OSTM1: variants seen among roughly 807,000 people sequenced by gnomAD.
The protein encoded by OSTM1 is osteoclastogenesis associated transmembrane protein 1.
In OSTM1, 26 loss-of-function variants were observed where a neutral mutation model predicts 35.4. That is an observed-to-expected ratio of 0.73 (90% confidence interval 0.54 to 1.02). The LOEUF is 1.02. Ranked by LOEUF, OSTM1 falls within the 50% of genes least tolerant of loss-of-function variation. The pLI, the probability that OSTM1 is intolerant of heterozygous loss-of-function variation, is 0.00. For synonymous variants in OSTM1, 181 were observed against 165.0 expected, an observed-to-expected ratio of 1.10 and a Z score of -0.75; for missense variants, 366 against 409.6, an observed-to-expected ratio of 0.89 and a Z score of 0.92.
intron 1 of OSTM1, among the ~76,000 whole-genome samples, chr6:108,066,905 C>CA (rs1434961265): frequency 1.3e-5 from 2 of 152,124 alleles, no homozygotes; most frequent in South Asian, 2.1e-4. Context: ...GCCAAGTGAC[C>CA]AAAAAATCAA....
chr6:108,064,082 AAAGT>A (rs1772336423), intron 2 of OSTM1, 99 bp downstream of exon 2: 2 of 713,438 alleles, frequency 2.8e-6, no homozygotes, highest in Non-Finnish European at 5.1e-6. Context: ...TTAGCAATAA[AAAGT>A]ATTATCCAGC....
In OSTM1 at chr6:108,043,046, G is replaced by T. The variant is rs1771899850; in HGVS notation, c.*1739C>A. On this transcript the variant is annotated 3_prime_UTR_variant, in exon 6 of 6. Transcript: ENST00000193322. ...GACTCAACCAGAAAAAATAGTAAAG[G>T]CTGCCTTTTCCTTTTTAAAGTGCTT... is the stretch of plus-strand genomic sequence containing the variant. The T allele has an allele frequency of 6.6e-6, 1 of 152,120 alleles. No homozygotes were observed. The highest frequency in any genetic ancestry group is 2.4e-5 in the African/African-American group (1 of 41,408). 9.4% of individuals were successfully genotyped at this position (152,120 alleles called of 1,614,324 possible). A position where few individuals can be genotyped will look rare whatever the true frequency, so the allele number is the denominator to read the frequency against.
At chr6:108,071,288 A>G (rs1324591195) in intron 1 of OSTM1, among the ~76,000 whole-genome samples, 1 of 151,438 alleles carries the variant, frequency 6.6e-6, no homozygotes, top group African/African-American at 2.4e-5. Context: ...ACATTTTTCC[A>G]TAGGTTTTTG....
chr6:108,051,242 A>G (rs1342921872), intron 3 of OSTM1, 44 bp from the exon 4 acceptor site: 2 of 1,359,852 alleles, frequency 1.5e-6, no homozygotes, highest in East Asian at 2.4e-5. Flanking sequence ...TAAACATTAT[A>G]TACAATATCT....
chr6:108,042,660 C>T lies in OSTM1; in HGVS notation c.*2125G>A, dbSNP rs1771893380. On this transcript the variant is annotated 3_prime_UTR_variant, in exon 6 of 6. Coordinates refer to ENST00000193322, the MANE Select transcript of OSTM1 (RefSeq NM_014028.4). ...CGAACTCATAAGCTCCAGCGATCTG[C>T]TTCAGCCTCCCAAAGTGCTGCAAAT... 1 of 152,128 alleles carries T rather than the reference C, an allele frequency of 6.6e-6. No individual in the cohort carries two copies. Among genetic ancestry groups the T allele is most frequent in the South Asian group, 2.1e-4 (1 of 4,832 alleles). The allele number at this position is 152,128 out of a possible 1,614,324, so 9.4% of individuals were successfully genotyped here.
rs1772065843 is a variant in OSTM1, at chr6:108,051,065, G to T, written c.749C>A (p.Pro250His). ...KMNELENKAE[P>H]GTHLCIDVED... is the part of the protein sequence containing the mutation. Reference sequence around the variant, plus strand: ...CACATCAATGCATAAATGTGTTCCAGGTTCAGCCTTATTCTCAAGTTCATT... The same window carrying T: ...CACATCAATGCATAAATGTGTTCCATGTTCAGCCTTATTCTCAAGTTCATT... The change falls in exon 4 of 6, where the codon CCT becomes CAT. Residue 250 changes from proline to histidine, a missense_variant. Pro to His is a moderately conservative substitution (Grantham distance 77, BLOSUM62 -2). This residue lies in a region of OSTM1 where 125 missense variants were observed against 151.7 expected (regional missense o/e 0.82). Transcript: ENST00000193322. 6.2e-7 allele frequency: 1 copy of T among 1,613,570 alleles called. No homozygotes were observed. The highest frequency in any genetic ancestry group is 1.7e-5 in the Admixed American group (1 of 60,000).
Position 108,044,703 on chromosome 6 carries a change from C to A in OSTM1, c.*82G>T. 2.5e-6 allele frequency: 2 copies of A among 784,950 alleles called. No individual in the cohort carries two copies. The highest frequency in any genetic ancestry group is 1.6e-5 in the South Asian group (1 of 61,162). 48.6% of individuals were successfully genotyped at this position (784,950 alleles called of 1,614,324 possible). On this transcript the variant is annotated 3_prime_UTR_variant, in exon 6 of 6. Transcript: ENST00000193322. The stretch of plus-strand genomic sequence containing the variant: ...TTCTTAAGAGCTTGACTTGTCAAAT[C>A]ACAGTTTATCTTCTTTCTGAAACCA...
chr6:108,072,066 C>T (rs1435796127), intron 1 of OSTM1, among the ~76,000 whole-genome samples: 6 of 152,146 alleles, frequency 3.9e-5, no homozygotes, highest in Admixed American at 2.0e-4. Flanking sequence ...ATGAGAAAAG[C>T]ATTTGCTGCC....
At chr6:108,068,522 C>A (rs1389707392) in intron 1 of OSTM1, among the ~76,000 whole-genome samples, 1 of 152,126 alleles carries the variant, frequency 6.6e-6, no homozygotes, top group East Asian at 1.9e-4. Flanking sequence ...CCCTGGAAAT[C>A]ATCACTACCT....
At position 108,074,728 on chromosome 6, in the gene OSTM1, C is replaced by T; in HGVS notation, c.-77G>A. 4 of 1,401,434 alleles carry T rather than the reference C, an allele frequency of 2.9e-6. No individual in the cohort carries two copies. Among genetic ancestry groups the T allele is most frequent in the Non-Finnish European group, 3.7e-6 (4 of 1,078,958 alleles). 86.8% of individuals were successfully genotyped at this position (1,401,434 alleles called of 1,614,324 possible). On this transcript the variant is annotated 5_prime_UTR_variant, in exon 1 of 6. Transcript: ENST00000193322. ...CGGCACCGCGGACAGCCGCCGCTTCCGGTTTCCGCGAGCGCAGGCCGAGAG... is the reference window on the plus strand; with the variant it reads ...CGGCACCGCGGACAGCCGCCGCTTCTGGTTTCCGCGAGCGCAGGCCGAGAG...
At chr6:108,069,831 G>A (rs770467462) in intron 1 of OSTM1, among the ~76,000 whole-genome samples, 13 of 152,230 alleles carry the variant, frequency 8.5e-5, no homozygotes, top group Non-Finnish European at 1.6e-4. Flanking sequence ...TCTTATCAGG[G>A]AATTCTATTA....
At chr6:108,056,116 T>C (rs1772165598) in intron 2 of OSTM1, among the ~76,000 whole-genome samples, 1 of 152,214 alleles carries the variant, frequency 6.6e-6, no homozygotes, top group Non-Finnish European at 1.5e-5. Context: ...AGACAACAAT[T>C]ACTACAACGA....
chr6:108,059,848 T>G (rs117088911), intron 2 of OSTM1, among the ~76,000 whole-genome samples: 1 of 152,178 alleles, frequency 6.6e-6, no homozygotes, highest in African/African-American at 2.4e-5. Flanking sequence ...AATGGGATGA[T>G]GAATGATGAT....
intron 5 of OSTM1, 119 bp downstream of exon 5, chr6:108,049,134 G>A: frequency 1.4e-6 from 1 of 693,688 alleles, no homozygotes; most frequent in Admixed American, 2.6e-5. Context: ...ACTTAAAGCA[G>A]AGAGTCCTTT....
rs993045807 is a variant in OSTM1 at position 108,044,471 on chromosome 6, A to T, written c.*314T>A. On this transcript the variant is annotated 3_prime_UTR_variant, in exon 6 of 6. Transcript: ENST00000193322. ...TTGAGATATTTATGTTAGTAAGAAG[A>T]TACCAGAAGTCTAGAATAGTAATCA... 7 of 194,426 alleles carry T rather than the reference A, an allele frequency of 3.6e-5. No individual in the cohort carries two copies. Among genetic ancestry groups the T allele is most frequent in the African/African-American group, 1.6e-4 (7 of 42,988 alleles). The allele number at this position is 194,426 out of a possible 1,614,324, so 12.0% of individuals were successfully genotyped here.
At chr6:108,048,903 C>T (rs1291499694) in intron 5 of OSTM1, among the ~76,000 whole-genome samples, 1 of 151,924 alleles carries the variant, frequency 6.6e-6, no homozygotes, top group Admixed American at 6.6e-5. Flanking sequence ...AGGCATGCGC[C>T]ATCATGCCCG....
chr6:108,064,314 A>C lies in OSTM1; in HGVS notation c.403-15T>G. ...TCTGAAGTATTCTGTAACAAAAAGA[A>C]GACAGAAAAATACAATCTGAGTATT... On this transcript the variant is annotated splice_polypyrimidine_tract_variant and intron_variant, in intron 1 of 5. Coordinates refer to ENST00000193322, the MANE Select transcript of OSTM1 (RefSeq NM_014028.4). The C allele has an allele frequency of 7.4e-7, 1 of 1,344,140 alleles. No individual in the cohort carries two copies. The highest frequency in any genetic ancestry group is 1.1e-6 in the Non-Finnish European group (1 of 940,544). The allele number at this position is 1,344,140 out of a possible 1,614,324, so 83.3% of individuals were successfully genotyped here.
At chr6:108,070,718 T>G (rs1772465276) in intron 1 of OSTM1, among the ~76,000 whole-genome samples, 1 of 151,280 alleles carries the variant, frequency 6.6e-6, no homozygotes, top group South Asian at 2.1e-4. Context: ...AGTGAAACCC[T>G]GTCTCTACTA....
At chr6:108,067,951 T>C (rs1582398346) in intron 1 of OSTM1, among the ~76,000 whole-genome samples, 1 of 152,152 alleles carries the variant, frequency 6.6e-6, no homozygotes, top group African/African-American at 2.4e-5. Context: ...TCAGCAGTTG[T>C]CTAGGTTCAC....
Sources: allele counts gnomAD v4.1 joint callset (sites outside exome capture counted in the v4.1 genomes callset), GRCh38; gene constraint gnomAD v4.1.1; regional missense constraint gnomAD v4.1.1; transcripts MANE v1.5; gene names NCBI Gene and HGNC (gene_info 2026-07-23, HGNC 2026-07-21).